The following ROR2 variants were observed in gnomAD, a reference collection of about 807,000 sequenced individuals.
ROR2 encodes the protein tyrosine-protein kinase transmembrane receptor ROR2.
ROR2 carries 33 observed loss-of-function variants against 74.9 expected under a neutral mutation model. The ratio of observed to expected loss-of-function variants is 0.44; its 90% confidence interval spans 0.33 to 0.59. The LOEUF is 0.59. Among genes scored for constraint, ROR2 ranks in the 20% least tolerant of loss-of-function variants. The pLI, the probability that ROR2 is intolerant of heterozygous loss-of-function variation, is 0.02. For synonymous variants in ROR2, 586 were observed against 558.7 expected, an observed-to-expected ratio of 1.05 and a Z score of -0.69; for missense variants, 1,216 against 1,313.8, an observed-to-expected ratio of 0.93 and a Z score of 1.15.
intron 1 of ROR2, among the ~76,000 whole-genome samples, chr9:91,863,455 T>TATAG (rs556240848): frequency 4.5e-3 from 687 of 152,108 alleles, no homozygotes; most frequent in Middle Eastern, 0.017. Context: ...CCCCACTGTC[T>TATAG]ATAGATAGAT....
At chr9:91,866,073 C>T (rs1270020558) in intron 1 of ROR2, among the ~76,000 whole-genome samples, 1 of 152,050 alleles carries the variant, frequency 6.6e-6, no homozygotes, top group East Asian at 1.9e-4. Context: ...GATATTCTTC[C>T]CTCTGCCCAA....
At chr9:91,830,999 C>T (rs572125591) in intron 1 of ROR2, among the ~76,000 whole-genome samples, 86 of 152,184 alleles carry the variant, frequency 5.7e-4, no homozygotes, top group South Asian at 1.0e-3. Flanking sequence ...TGGTGGCTCA[C>T]GCCTGTAACC....
intron 1 of ROR2, among the ~76,000 whole-genome samples, chr9:91,811,183 G>A (rs996864617): frequency 5.9e-5 from 9 of 152,264 alleles, no homozygotes; most frequent in Admixed American, 2.0e-4. Context: ...GGCGCTGGTG[G>A]GGGAAAAGCT....
intron 2 of ROR2, among the ~76,000 whole-genome samples, chr9:91,770,771 C>A (rs1826201238): frequency 1.3e-5 from 2 of 152,186 alleles, no homozygotes; most frequent in African/African-American, 4.8e-5. Context: ...GGGATGATCC[C>A]ATTTTCATTT....
chr9:91,872,553 C>T (rs758899873), intron 1 of ROR2, among the ~76,000 whole-genome samples: 2 of 152,182 alleles, frequency 1.3e-5, no homozygotes, highest in African/African-American at 2.4e-5. Context: ...TCTTCTTTCA[C>T]CCTAGTATTT....
At chr9:91,772,610 T>C (rs1273787726) in intron 2 of ROR2, among the ~76,000 whole-genome samples, 4 of 152,200 alleles carry the variant, frequency 2.6e-5, no homozygotes, top group Admixed American at 6.5e-5. Context: ...TTCATAAACA[T>C]GCATGTATGT....
At chr9:91,783,629 G>A (rs1826698789) in intron 1 of ROR2, among the ~76,000 whole-genome samples, 2 of 152,316 alleles carry the variant, frequency 1.3e-5, no homozygotes, top group Non-Finnish European at 2.9e-5. Context: ...CCTAGGCCTA[G>A]TCTTGTGCCC....
intron 1 of ROR2, chr9:91,887,211 G>C (rs1427252890): frequency 6.6e-6 from 1 of 152,128 alleles, no homozygotes; most frequent in African/African-American, 2.4e-5. Context: ...TTATAGGTTT[G>C]GAAACACAGT....
chr9:91,774,686 G>A (rs1826360873), intron 2 of ROR2, among the ~76,000 whole-genome samples: 1 of 152,124 alleles, frequency 6.6e-6, no homozygotes. Context: ...CTAAAATTTG[G>A]GGTTTATACA....
intron 1 of ROR2, among the ~76,000 whole-genome samples, chr9:91,846,410 G>A (rs980072550): frequency 3.3e-5 from 5 of 152,260 alleles, no homozygotes; most frequent in African/African-American, 1.2e-4. Flanking sequence ...GTGAGAAGGC[G>A]GCCATCTACA....
At chr9:91,874,243 C>T (rs1194866466) in intron 1 of ROR2, among the ~76,000 whole-genome samples, 1 of 152,216 alleles carries the variant, frequency 6.6e-6, no homozygotes, top group South Asian at 2.1e-4. Flanking sequence ...AAAAGGTGCT[C>T]TGTGGCGGCC....
chr9:91,767,780 G>A (rs1293057132), intron 2 of ROR2, among the ~76,000 whole-genome samples: 1 of 152,244 alleles, frequency 6.6e-6, no homozygotes, highest in East Asian at 1.9e-4. Context: ...GGGAAAACTA[G>A]AAGCATGGGG....
chr9:91,730,829 A>T (rs774250164), intron 7 of ROR2, 81 bp downstream of exon 7: 69 of 1,591,828 alleles, frequency 4.3e-5, no homozygotes, highest in Non-Finnish European at 5.6e-5. Context: ...GCACACCCCA[A>T]CCCAGGTCAG....
At chr9:91,822,492 C>G (rs150248812) in intron 1 of ROR2, among the ~76,000 whole-genome samples, 1 of 152,178 alleles carries the variant, frequency 6.6e-6, no homozygotes, top group Non-Finnish European at 1.5e-5. Flanking sequence ...CTGTAATACA[C>G]TGAGTTTTTA....
rs78113209 is a variant in ROR2, at chr9:91,939,934, T to C, written c.97+9933A>G. 4.0e-3 allele frequency among the ~76,000 whole-genome samples: 611 copies of C among 152,298 alleles called. 5 individuals carry two copies. The highest frequency in any genetic ancestry group is 0.014 in the African/African-American group (584 of 41,572). ...GATTAAACAAGGCTCAGCAGATGCC[T>C]CGTGGCCTGAATCTCCGGGCCCCAC... On this transcript the variant is annotated intron_variant, in intron 1 of 8. Coordinates refer to ENST00000375708, the MANE Select transcript of ROR2 (RefSeq NM_004560.4).
Position 91,727,708 on chromosome 9 carries a change from G to A in ROR2, c.1184-965C>T, listed in dbSNP as rs553818246. Among the ~76,000 whole-genome samples the A allele has an allele frequency of 6.6e-5, 10 of 152,266 alleles. No homozygotes were observed. In the East Asian group the frequency reaches 1.7e-3, roughly 26 times the overall value. ...GGTGTTCTGTTTTCTCCTTAACCTT[G>A]CAAATAACTATATCAGACTTAGAGG... On this transcript the variant is annotated intron_variant, in intron 7 of 8. Transcript: ENST00000375708.
intron 1 of ROR2, among the ~76,000 whole-genome samples, chr9:91,816,140 G>A (rs532829503): frequency 2.0e-5 from 3 of 152,178 alleles, no homozygotes; most frequent in Non-Finnish European, 4.4e-5. Context: ...TACAGGTCTC[G>A]GAGCCAGTGT....
At chr9:91,851,994 A>G (rs1829112975) in intron 1 of ROR2, among the ~76,000 whole-genome samples, 1 of 151,744 alleles carries the variant, frequency 6.6e-6, no homozygotes, top group African/African-American at 2.4e-5. Flanking sequence ...AAAAAAGACA[A>G]TAGGGTTTTC....
At position 91,809,089 on chromosome 9, in the gene ROR2, C is replaced by A. The variant is rs1376088019; in HGVS notation, c.98-33271G>T. 3.3e-5 allele frequency among the ~76,000 whole-genome samples: 5 copies of A among 152,120 alleles called. No individual in the cohort carries two copies. The East Asian group carries it at 9.6e-4, about 29-fold the overall frequency. On this transcript the variant is annotated intron_variant, in intron 1 of 8. Coordinates refer to ENST00000375708, the MANE Select transcript of ROR2 (RefSeq NM_004560.4). ...CTAGGGGATGAAAGGTTTCCTCTCCCCTAAGAATATTAAATCAAATCCTCT... is the reference window on the plus strand; with the variant it reads ...CTAGGGGATGAAAGGTTTCCTCTCCACTAAGAATATTAAATCAAATCCTCT...
Sources: gnomAD v4.1 joint callset for allele counts (sites outside exome capture counted in the v4.1 genomes callset) on GRCh38, gnomAD v4.1.1 for gene constraint, MANE v1.5 for transcripts, NCBI Gene and HGNC (gene_info 2026-07-23, HGNC 2026-07-21) for gene names.